The following ARSB variants were observed in gnomAD, a reference collection of about 807,000 sequenced individuals.
The protein encoded by ARSB is N-acetylgalactosamine-4-sulfatase.
In ARSB, 41 loss-of-function variants were observed where a neutral mutation model predicts 50.9. The ratio of observed to expected loss-of-function variants is 0.81; its 90% CI spans 0.63 to 1.04. The LOEUF (loss-of-function observed/expected upper bound fraction) is 1.04, where lower values mean the gene tolerates loss of function less well. Among genes scored for constraint, ARSB ranks in the 50% least tolerant of loss-of-function variants. ARSB has a pLI of 0.00. For missense variants in ARSB, 672 were observed against 693.3 expected, an observed-to-expected ratio of 0.97 and a Z score of 0.35; for synonymous variants, 269 against 284.8, an observed-to-expected ratio of 0.94 and a Z score of 0.56.
rs368770141 is a variant in ARSB, at chr5:78,781,986, T to C, written c.1214-12A>G. The stretch of plus-strand genomic sequence containing the variant: ...GCTGTTCCTGGGACCTGGGAAGAAA[T>C]AGTTTGAAAGAATTAGATCACTGTT... On this transcript the variant is annotated splice_polypyrimidine_tract_variant and intron_variant, in intron 6 of 7. Transcript: ENST00000264914. 3.1e-6 allele frequency: 5 copies of C among 1,613,996 alleles called. No homozygotes were observed. The highest frequency in any genetic ancestry group is 1.1e-5 in the South Asian group (1 of 91,082).
At chr5:78,954,104 G>GAA (rs888188277) in intron 4 of ARSB, among the ~76,000 whole-genome samples, 1 of 149,242 alleles carries the variant, frequency 6.7e-6, no homozygotes. Flanking sequence ...ACAGGAGAGG[G>GAA]AAAAAAAAAA....
intron 6 of ARSB, among the ~76,000 whole-genome samples, chr5:78,825,313 T>C (rs1482815236): frequency 2.0e-5 from 3 of 152,250 alleles, no homozygotes; most frequent in African/African-American, 4.8e-5. Context: ...GGCATCTTTT[T>C]CCTTTCTTTT....
chr5:78,968,315 TTTATTATTATTATTATTATTA>T (rs138887783), intron 2 of ARSB, among the ~76,000 whole-genome samples: 22 of 143,166 alleles, frequency 1.5e-4, no homozygotes, highest in South Asian at 8.9e-4. Flanking sequence ...CATTTTTTAT[TTTATTATTATTATTATTATTA>T]TTATTATTAT....
At chr5:78,839,540 T>C in intron 5 of ARSB, 114 bp from the exon 6 acceptor site, 1 of 960,762 alleles carries the variant, frequency 1.0e-6, no homozygotes, top group Middle Eastern at 2.3e-4. Flanking sequence ...AGTTAACAAC[T>C]CTGTCATGAA....
At chr5:78,908,173 G>A (rs1472588579) in intron 4 of ARSB, among the ~76,000 whole-genome samples, 1 of 152,094 alleles carries the variant, frequency 6.6e-6, no homozygotes, top group Non-Finnish European at 1.5e-5. Flanking sequence ...TCAGAGTCAC[G>A]TATAAATGGT....
At chr5:78,791,220 G>T (rs757388896) in intron 6 of ARSB, among the ~76,000 whole-genome samples, 8 of 152,166 alleles carry the variant, frequency 5.3e-5, no homozygotes, top group African/African-American at 7.2e-5. Context: ...TTCTTGAGGA[G>T]TTTTCTAAAC....
chr5:78,797,720 C>T (rs1255962319), intron 6 of ARSB, among the ~76,000 whole-genome samples: 1 of 152,166 alleles, frequency 6.6e-6, no homozygotes, highest in African/African-American at 2.4e-5. Context: ...TATTCAGCTG[C>T]CCCTAAGATA....
chr5:78,960,347 T>C (rs1751926981), intron 3 of ARSB, among the ~76,000 whole-genome samples: 1 of 149,472 alleles, frequency 6.7e-6, no homozygotes, highest in African/African-American at 2.5e-5. Context: ...CTTTAGTGTA[T>C]TCTCCTAATT....
chr5:78,968,607 C>T (rs1334522113), intron 2 of ARSB, among the ~76,000 whole-genome samples: 1 of 152,078 alleles, frequency 6.6e-6, no homozygotes, highest in Non-Finnish European at 1.5e-5. Flanking sequence ...CTTCGGCCTC[C>T]CAAAGTGCTG....
At chr5:78,936,013 TTC>T (rs200793361) in intron 4 of ARSB, among the ~76,000 whole-genome samples, 2 of 122,146 alleles carry the variant, frequency 1.6e-5, no homozygotes, top group Admixed American at 1.7e-4. Context: ...CTTTCTGTCT[TTC>T]TCTCTGTCTC....
At chr5:78,920,627 C>A (rs1217766652) in intron 4 of ARSB, among the ~76,000 whole-genome samples, 1 of 152,046 alleles carries the variant, frequency 6.6e-6, no homozygotes, top group Admixed American at 6.5e-5. Flanking sequence ...GGGGACACAC[C>A]TCCACCACAG....
intron 5 of ARSB, among the ~76,000 whole-genome samples, chr5:78,857,354 G>A (rs1374815562): frequency 6.6e-6 from 1 of 152,100 alleles, no homozygotes; most frequent in African/African-American, 2.4e-5. Flanking sequence ...AATACATATT[G>A]CAATCTGTTA....
At chr5:78,837,935 A>G (rs1339484944) in intron 6 of ARSB, among the ~76,000 whole-genome samples, 3 of 152,206 alleles carry the variant, frequency 2.0e-5, no homozygotes, top group Non-Finnish European at 4.4e-5. Context: ...TCCACGATGT[A>G]GCCATTCTCG....
At chr5:78,854,317 C>T (rs756806579) in intron 5 of ARSB, among the ~76,000 whole-genome samples, 27 of 152,336 alleles carry the variant, frequency 1.8e-4, no homozygotes, top group African/African-American at 2.9e-4. Context: ...TACATTGCTA[C>T]GTTGCTGATT....
At position 78,860,888 on chromosome 5, in the gene ARSB, G is replaced by C. The variant is rs991009974; in HGVS notation, c.1143-21462C>G. Among the ~76,000 whole-genome samples the C allele has an allele frequency of 5.5e-4, 84 of 152,158 alleles. 1 individual carries two copies. Among genetic ancestry groups the C allele is most frequent in the Non-Finnish European group, 2.6e-4 (18 of 68,036 alleles). The stretch of plus-strand genomic sequence containing the variant: ...AGCAAGACTAATAAAGAAGAAAAGA[G>C]AGAAGAATCAAATAGACACAATAAA... On this transcript the variant is annotated intron_variant, in intron 5 of 7. Transcript: ENST00000264914.
intron 5 of ARSB, among the ~76,000 whole-genome samples, chr5:78,873,651 A>G (rs575932745): frequency 3.3e-4 from 50 of 149,944 alleles, no homozygotes; most frequent in Non-Finnish European, 6.2e-4. Flanking sequence ...GCCCGCCACT[A>G]CGCCCGGCTA....
Position 78,780,260 on chromosome 5 carries a change from T to A in ARSB, c.*137A>T. 1 of 1,179,136 alleles carries A rather than the reference T, an allele frequency of 8.5e-7. No individual in the cohort carries two copies. The highest frequency in any genetic ancestry group is 1.9e-5 in the Admixed American group (1 of 52,720). 73.0% of individuals were successfully genotyped at this position (1,179,136 alleles called of 1,614,324 possible). ...TTCTTAAATGCATTAGGGGTTGAAA[T>A]TAGACACCTCGGTGTGGTTTAAGAG... On this transcript the variant is annotated 3_prime_UTR_variant, in exon 8 of 8. Coordinates refer to ENST00000264914, the MANE Select transcript of ARSB (RefSeq NM_000046.5).
At chr5:78,862,553 G>A (rs913870361) in intron 5 of ARSB, among the ~76,000 whole-genome samples, 15 of 152,162 alleles carry the variant, frequency 9.9e-5, no homozygotes, top group African/African-American at 3.6e-4. Context: ...GCCATATGTA[G>A]AAAGCTGAAA....
chr5:78,831,169 A>G (rs1744659714), intron 6 of ARSB, among the ~76,000 whole-genome samples: 1 of 152,160 alleles, frequency 6.6e-6, no homozygotes, highest in African/African-American at 2.4e-5. Context: ...TATTGTTATA[A>G]TCGTTCCCAA....
Sources: gnomAD v4.1 joint callset for allele counts (sites outside exome capture counted in the v4.1 genomes callset) on GRCh38, gnomAD v4.1.1 for gene constraint, MANE v1.5 for transcripts, NCBI Gene and HGNC (gene_info 2026-07-23, HGNC 2026-07-21) for gene names.